The following INPP4B variants were observed in gnomAD, a reference collection of about 807,000 sequenced individuals.
The protein encoded by INPP4B is inositol polyphosphate 4-phosphatase type II.
INPP4B carries 55 observed loss-of-function variants against 122.5 expected under a neutral mutation model. The ratio of observed to expected loss-of-function variants is 0.45; its 90% CI spans 0.36 to 0.56. The LOEUF (loss-of-function observed/expected upper bound fraction) is 0.56. Ranked by LOEUF, INPP4B falls within the 20% of genes least tolerant of loss-of-function variation. The pLI is 0.00. For missense variants in INPP4B, 1,000 were observed against 1,097.7 expected (o/e 0.91, Z 1.26); for synonymous variants, 403 against 388.7 (o/e 1.04, Z -0.43).
chr4:142,809,960 A>G (rs1374435104), intron 1 of INPP4B, among the ~76,000 whole-genome samples: 1 of 152,126 alleles, frequency 6.6e-6, no homozygotes, highest in Non-Finnish European at 1.5e-5. Context: ...ACCTGAGGTC[A>G]GGAGTTCAAC....
chr4:142,601,066 T>C (rs1443992367), intron 2 of INPP4B, among the ~76,000 whole-genome samples: 5 of 151,892 alleles, frequency 3.3e-5, no homozygotes, highest in Non-Finnish European at 7.4e-5. Flanking sequence ...TTACCAGATC[T>C]AGAGAGAGAG....
chr4:142,350,175 C>A (rs1001108460), intron 7 of INPP4B, among the ~76,000 whole-genome samples: 1 of 151,974 alleles, frequency 6.6e-6, no homozygotes, highest in African/African-American at 2.4e-5. Context: ...CACTATTAGC[C>A]TTTCTCTGAG....
At chr4:142,315,510 G>A (rs1358236326) in intron 7 of INPP4B, among the ~76,000 whole-genome samples, 1 of 151,786 alleles carries the variant, frequency 6.6e-6, no homozygotes, top group Non-Finnish European at 1.5e-5. Flanking sequence ...TTTCAATCCT[G>A]GCTGTACATT....
chr4:142,152,061 CTTTTCTTT>C (rs1333608479), intron 17 of INPP4B, among the ~76,000 whole-genome samples: 6 of 98,950 alleles, frequency 6.1e-5, no homozygotes, highest in African/African-American at 9.4e-5. Flanking sequence ...GCTTTTTTGT[CTTTTCTTT>C]TTTTTTTTTT....
At chr4:142,553,319 A>G (rs1007235404) in intron 2 of INPP4B, among the ~76,000 whole-genome samples, 1 of 152,160 alleles carries the variant, frequency 6.6e-6, no homozygotes, top group Non-Finnish European at 1.5e-5. Context: ...TATGTATCCA[A>G]CTTGATGTCT....
chr4:142,559,473 G>A (rs1362317869), intron 2 of INPP4B, among the ~76,000 whole-genome samples: 5 of 151,988 alleles, frequency 3.3e-5, no homozygotes, highest in African/African-American at 1.2e-4. Context: ...GCAAAATGGG[G>A]CACTTACCTC....
chr4:142,085,672 T>TAATG (rs1233557562), intron 24 of INPP4B, among the ~76,000 whole-genome samples: 1 of 152,188 alleles, frequency 6.6e-6, no homozygotes, highest in African/African-American at 2.4e-5. Context: ...AATCCATCAG[T>TAATG]AATGAATTCT....
chr4:142,558,327 G>A (rs1262609890), intron 2 of INPP4B, among the ~76,000 whole-genome samples: 1 of 151,782 alleles, frequency 6.6e-6, no homozygotes, highest in Admixed American at 6.6e-5. Context: ...GCACTTATTT[G>A]TCCTGCACCC....
At chr4:142,172,105 G>T (rs1303041299) in intron 16 of INPP4B, among the ~76,000 whole-genome samples, 1 of 151,560 alleles carries the variant, frequency 6.6e-6, no homozygotes, top group East Asian at 1.9e-4. Context: ...CATACTTATT[G>T]AATATCAAAA....
Position 142,655,065 on chromosome 4 carries a change from C to T in INPP4B, c.-191+70774G>A, listed in dbSNP as rs574356350. ...ACAGCAACAGTAAGATAAAAAGTTA[C>T]AAATCTGATCTAGAATTCAGAGTTT... On this transcript the variant is annotated intron_variant, in intron 2 of 25. Transcript: ENST00000262992. 7.9e-5 allele frequency among the ~76,000 whole-genome samples: 12 copies of T among 152,264 alleles called. No homozygotes were observed. In the South Asian group the frequency reaches 2.5e-3, roughly 32 times the overall value.
chr4:142,043,068 T>G (rs1749141863), intron 25 of INPP4B, among the ~76,000 whole-genome samples: 1 of 152,198 alleles, frequency 6.6e-6, no homozygotes, highest in Admixed American at 6.5e-5. Flanking sequence ...GAAGTTTTTG[T>G]CCTTGGAAGT....
At chr4:142,039,722 C>T (rs1447162157) in intron 25 of INPP4B, among the ~76,000 whole-genome samples, 1 of 151,524 alleles carries the variant, frequency 6.6e-6, no homozygotes, top group East Asian at 1.9e-4. Context: ...ATATTTGGAT[C>T]AAGTCTACAG....
At chr4:142,515,851 GA>G (rs1460251359) in intron 2 of INPP4B, among the ~76,000 whole-genome samples, 1 of 152,040 alleles carries the variant, frequency 6.6e-6, no homozygotes, top group Non-Finnish European at 1.5e-5. Context: ...GTTTGTTCTT[GA>G]AAAAATTTAA....
At chr4:142,269,057 A>C (rs1744439945) in intron 10 of INPP4B, among the ~76,000 whole-genome samples, 1 of 152,192 alleles carries the variant, frequency 6.6e-6, no homozygotes, top group Admixed American at 6.5e-5. Context: ...AATGTAAATT[A>C]ACAGCTTATA....
At chr4:142,193,293 A>C in intron 14 of INPP4B, 98 bp from the exon 15 acceptor site, 1 of 655,638 alleles carries the variant, frequency 1.5e-6, no homozygotes, top group Non-Finnish European at 2.7e-6. Context: ...AGTATGAGAA[A>C]TTATTCTGTT....
intron 25 of INPP4B, among the ~76,000 whole-genome samples, chr4:142,079,926 C>CTAGCTAGATTA (rs1772997423): frequency 2.6e-5 from 4 of 152,028 alleles, no homozygotes; most frequent in African/African-American, 9.7e-5. Flanking sequence ...GATTATACTG[C>CTAGCTAGATTA]ACATGGAAAA....
chr4:142,074,848 A>G (rs2152499833), intron 25 of INPP4B, among the ~76,000 whole-genome samples: 1 of 151,670 alleles, frequency 6.6e-6, no homozygotes, highest in African/African-American at 2.4e-5. Context: ...AATAAGCACT[A>G]CTCTTATCCA....
intron 2 of INPP4B, among the ~76,000 whole-genome samples, chr4:142,517,730 A>G (rs924381687): frequency 1.3e-5 from 2 of 152,140 alleles, no homozygotes; most frequent in African/African-American, 2.4e-5. Context: ...AAAGAGATGT[A>G]AGAACAATAC....
intron 10 of INPP4B, among the ~76,000 whole-genome samples, chr4:142,264,344 G>A (rs1741738735): frequency 1.3e-5 from 2 of 152,182 alleles, no homozygotes; most frequent in African/African-American, 4.8e-5. Flanking sequence ...CATACTAACT[G>A]TGAGTTTATG....
Sources: allele counts gnomAD v4.1 joint callset (sites outside exome capture counted in the v4.1 genomes callset), GRCh38; gene constraint gnomAD v4.1.1; transcripts MANE v1.5; gene names NCBI Gene and HGNC (gene_info 2026-07-23, HGNC 2026-07-21).